RNF220: variants seen among roughly 807,000 people sequenced by gnomAD.
The protein encoded by RNF220 is ring finger protein 220, also known as E3 ubiquitin-protein ligase RNF220.
RNF220 carries 7 observed loss-of-function variants against 67.1 expected under a neutral mutation model. The observed-to-expected ratio is 0.10, with a 90% CI of 0.06 to 0.20. The LOEUF (loss-of-function observed/expected upper bound fraction) is 0.20. Ranked by LOEUF, RNF220 falls within the 10% of genes least tolerant of loss-of-function variation. The probability of loss-of-function intolerance (pLI) is 1.00; values close to 1 mark genes in which losing one functional copy is unlikely to be tolerated. For synonymous variants in RNF220, 270 were observed against 283.2 expected, an observed-to-expected ratio of 0.95 and a Z score of 0.47; for missense variants, 565 against 740.3, an observed-to-expected ratio of 0.76 and a Z score of 2.75.
chr1:44,579,966 G>A (rs1262929574), intron 2 of RNF220, among the ~76,000 whole-genome samples: 2 of 137,094 alleles, frequency 1.5e-5, no homozygotes, highest in Non-Finnish European at 3.1e-5. Flanking sequence ...GGAGGCAGAG[G>A]TTGCAGTGAG....
Position 44,416,012 on chromosome 1 carries a change from C to T in RNF220, c.625+3290C>T, listed in dbSNP as rs182995205. Among the ~76,000 whole-genome samples the T allele has an allele frequency of 1.9e-4, 28 of 146,012 alleles. No homozygotes were observed. In the East Asian group the frequency reaches 4.4e-3, roughly 23 times the overall value. On this transcript the variant is annotated intron_variant, in intron 2 of 14. Transcript: ENST00000361799. ...TAGACAGAAATATAGCGATTTGGGT[C>T]AAGCATCATCTTTCCTGATAGATGA...
chr1:44,508,855 A>G (rs1216413704), intron 2 of RNF220, among the ~76,000 whole-genome samples: 2 of 152,212 alleles, frequency 1.3e-5, no homozygotes, highest in African/African-American at 4.8e-5. Context: ...AGAACTCATG[A>G]GAGTCTTCTT....
intron 2 of RNF220, among the ~76,000 whole-genome samples, chr1:44,484,619 T>G (rs1656119368): frequency 6.6e-6 from 1 of 152,032 alleles, no homozygotes; most frequent in African/African-American, 2.4e-5. Flanking sequence ...GAGTAAGAAC[T>G]GTTTTGAACA....
In RNF220 at chr1:44,600,745, C is replaced by T. The variant is rs1169132706; in HGVS notation, c.626-13420C>T. The stretch of plus-strand genomic sequence containing the variant: ...CTGAGGCAGGAGAATCACTTGAACC[C>T]GGGAGGCAGAGGTTGCAGTGAGCTG... On this transcript the variant is annotated intron_variant, in intron 2 of 14. Coordinates refer to ENST00000361799, the MANE Select transcript of RNF220 (RefSeq NM_018150.4). This position sits in a 1 kb window ranked among gnomAD's most constrained non-coding sequence, Gnocchi z 4.0. 6.6e-5 allele frequency among the ~76,000 whole-genome samples: 10 copies of T among 151,812 alleles called. No homozygotes were observed. Among genetic ancestry groups the T allele is most frequent in the African/African-American group, 1.9e-4 (8 of 41,302 alleles).
chr1:44,548,668 T>C (rs1301712059), intron 2 of RNF220, among the ~76,000 whole-genome samples: 2 of 152,096 alleles, frequency 1.3e-5, no homozygotes, highest in Non-Finnish European at 2.9e-5. Flanking sequence ...TTAAAAATTA[T>C]TTTTGTAGAG....
chr1:44,543,547 G>GAGAGAGAGGGAGGGGGAAGT (rs1417371780), intron 2 of RNF220, among the ~76,000 whole-genome samples: 3 of 152,060 alleles, frequency 2.0e-5, no homozygotes, highest in Non-Finnish European at 4.4e-5. Flanking sequence ...GAGAATGAGA[G>GAGAGAGAGGGAGGGGGAAGT]AGAGAGAGGG....
chr1:44,410,404 G>A (rs1647843870), intron 1 of RNF220, among the ~76,000 whole-genome samples: 1 of 152,188 alleles, frequency 6.6e-6, no homozygotes, highest in Non-Finnish European at 1.5e-5. Context: ...TCCCTGCACT[G>A]CTATAACTTG....
chr1:44,547,436 T>A lies in RNF220; in HGVS notation c.626-66729T>A, dbSNP rs187831302. Among the ~76,000 whole-genome samples the A allele has an allele frequency of 4.1e-3, 623 of 152,296 alleles. 1 individual carries two copies. Among genetic ancestry groups the A allele is most frequent in the Non-Finnish European group, 6.4e-3 (438 of 68,020 alleles). ...TCACCCTTCTTAACATCTCTTCGCC[T>A]AACCCTGCGGTCACCCTCCTGAAAC... On this transcript the variant is annotated intron_variant, in intron 2 of 14. Coordinates refer to ENST00000361799, the MANE Select transcript of RNF220 (RefSeq NM_018150.4).
chr1:44,512,706 G>A (rs1269563570), intron 2 of RNF220, among the ~76,000 whole-genome samples: 3 of 152,234 alleles, frequency 2.0e-5, no homozygotes, highest in Non-Finnish European at 4.4e-5. Flanking sequence ...AAGTGACGAC[G>A]GAGGCGGCAG....
intron 2 of RNF220, among the ~76,000 whole-genome samples, chr1:44,426,936 C>T (rs1649848843): frequency 6.6e-6 from 1 of 152,084 alleles, no homozygotes. Context: ...CTAACCAAGC[C>T]AGATGCATTT....
intron 2 of RNF220, among the ~76,000 whole-genome samples, chr1:44,472,876 G>A (rs1654938683): frequency 6.6e-6 from 1 of 152,190 alleles, no homozygotes; most frequent in African/African-American, 2.4e-5. Flanking sequence ...CGTGCCTGTG[G>A]CTCCCTGCCA....
In RNF220 at chr1:44,556,182, G is replaced by A. The variant is rs1663067378; in HGVS notation, c.626-57983G>A. Among the ~76,000 whole-genome samples, 3 of 149,994 alleles carry A rather than the reference G, an allele frequency of 2.0e-5. No individual in the cohort carries two copies. In the South Asian group the frequency reaches 6.3e-4, roughly 31 times the overall value. On this transcript the variant is annotated intron_variant, in intron 2 of 14. Transcript: ENST00000361799. The stretch of plus-strand genomic sequence containing the variant: ...CCCAAGTAGCTGGGATTACAGGCGT[G>A]CATCACCACACCTGGCTAATTTTTG...
At position 44,524,134 on chromosome 1, in the gene RNF220, G is replaced by A. The variant is rs536953430; in HGVS notation, c.626-90031G>A. On this transcript the variant is annotated intron_variant, in intron 2 of 14. Coordinates refer to ENST00000361799, the MANE Select transcript of RNF220 (RefSeq NM_018150.4). ...GATGCTGGAGGGGGGCAAAGGGAGG[G>A]GAGGGCTTGCACTGGCTCCTCTCAG... 4.6e-5 allele frequency among the ~76,000 whole-genome samples: 7 copies of A among 152,186 alleles called. No individual in the cohort carries two copies. In the East Asian group the frequency reaches 1.4e-3, roughly 29 times the overall value.
In RNF220 at chr1:44,417,417, A is replaced by G. The variant is rs1648651778; in HGVS notation, c.625+4695A>G. On this transcript the variant is annotated intron_variant, in intron 2 of 14. Transcript: ENST00000361799. The surrounding 1 kb of genome is among the most constrained non-coding windows in gnomAD (Gnocchi z 4.0). Reference sequence around the variant, plus strand: ...CTAAAGTGGGGCCAGGCTGGACGGGAGCAGTCCCTGATGGCTGCAGAGCCA... The same window carrying G: ...CTAAAGTGGGGCCAGGCTGGACGGGGGCAGTCCCTGATGGCTGCAGAGCCA... Among the ~76,000 whole-genome samples, 1 of 152,106 alleles carries G rather than the reference A, an allele frequency of 6.6e-6. No homozygotes were observed. The highest frequency in any genetic ancestry group is 1.5e-5 in the Non-Finnish European group (1 of 68,004).
At position 44,412,422 on chromosome 1, in the gene RNF220, A is replaced by G. The variant is rs552849048; in HGVS notation, c.325A>G (p.Ile109Val). ...FAPPNLDCTP[I>V]SMLNHSGVGA... ...TCCCCCAAATCTAGATTGCACCCCA[A>G]TCAGTATGCTGAATCATAGTGGTGT... Residue 109 changes from isoleucine to valine, a missense_variant, in exon 2 of 15, where the codon ATC (isoleucine) becomes GTC (valine). By Grantham distance (29) the Ile-to-Val change is conservative. Transcript: ENST00000361799. This position sits in a 1 kb window ranked among gnomAD's most constrained non-coding sequence, Gnocchi z 5.3. The G allele has an allele frequency of 8.7e-5, 140 of 1,613,046 alleles. No individual in the cohort carries two copies. Among genetic ancestry groups the G allele is most frequent in the Non-Finnish European group, 1.1e-4 (125 of 1,179,230 alleles).
chr1:44,601,251 T>G (rs770129687), intron 2 of RNF220, among the ~76,000 whole-genome samples: 6 of 152,102 alleles, frequency 3.9e-5, no homozygotes, highest in Non-Finnish European at 7.4e-5. Context: ...AAACTCAGGT[T>G]GCGATGAGTT....
intron 2 of RNF220, among the ~76,000 whole-genome samples, chr1:44,471,737 T>G (rs897148013): frequency 2.6e-5 from 4 of 151,982 alleles, no homozygotes; most frequent in African/African-American, 9.7e-5. Flanking sequence ...GGCAGGAGGA[T>G]CACTTGAGCC....
chr1:44,587,075 G>A (rs1293085151), intron 2 of RNF220, among the ~76,000 whole-genome samples: 2 of 132,346 alleles, frequency 1.5e-5, no homozygotes, highest in Non-Finnish European at 3.1e-5. Flanking sequence ...CTAATTCCCA[G>A]TTCCTTCTGT....
chr1:44,645,482 T>A lies in RNF220; in HGVS notation c.1439T>A (p.Ile480Asn), dbSNP rs896169237. 1.9e-6 allele frequency: 3 copies of A among 1,613,680 alleles called. No individual in the cohort carries two copies. Among genetic ancestry groups the A allele is most frequent in the Non-Finnish European group, 1.7e-6 (2 of 1,179,878 alleles). ...AMQKTCKNSDIEKITEDSAVT... is the reference protein window; with the variant it reads ...AMQKTCKNSDNEKITEDSAVT... ...CAGAAGACCTGCAAGAACAGCGACA[T>A]CGAGAAGTAAGTGTTTGGCCAGGAG... The change falls in exon 12 of 15, where the codon ATC (isoleucine) becomes AAC (asparagine). Residue 480 changes from isoleucine (I) to asparagine (N), a missense_variant. Ile to Asn is a moderately radical substitution (Grantham distance 149). Transcript: ENST00000361799. The surrounding 1 kb of genome is among the most constrained non-coding windows in gnomAD (Gnocchi z 5.0).
Sources: gnomAD v4.1 joint callset for allele counts (sites outside exome capture counted in the v4.1 genomes callset) on GRCh38, gnomAD v4.1.1 for gene constraint, Gnocchi (gnomAD v3.1) non-coding constraint, MANE v1.5 for transcripts, NCBI Gene and HGNC (gene_info 2026-07-23, HGNC 2026-07-21) for gene names.